The following GPC5 variants were observed in gnomAD, a reference collection of about 807,000 sequenced individuals.
GPC5 encodes glypican 5.
A neutral mutation model predicts 53.9 loss-of-function variants in GPC5; 47 were observed. The observed-to-expected ratio is 0.87, with a 90% confidence interval of 0.69 to 1.11. The LOEUF (loss-of-function observed/expected upper bound fraction) is 1.11. Ranked by LOEUF, GPC5 falls within the 50% of genes most tolerant of loss-of-function variation. The probability of loss-of-function intolerance (pLI) is 0.00; values close to 1 mark genes in which losing one functional copy is unlikely to be tolerated. For missense variants in GPC5, 748 were observed against 713.1 expected (o/e 1.05, Z -0.56); for synonymous variants, 286 against 263.3 (o/e 1.09, Z -0.84).
At chr13:91,869,378 A>G (rs1429863544) in intron 5 of GPC5, among the ~76,000 whole-genome samples, 1 of 152,170 alleles carries the variant, frequency 6.6e-6, no homozygotes, top group Non-Finnish European at 1.5e-5. Flanking sequence ...TGACTCCTCT[A>G]TAGAGATTAT....
intron 2 of GPC5, among the ~76,000 whole-genome samples, chr13:91,535,949 A>G (rs1485119760): frequency 1.3e-5 from 2 of 152,154 alleles, no homozygotes; most frequent in Non-Finnish European, 2.9e-5. Context: ...AGCTAATGCT[A>G]TTTTCTTGAA....
At chr13:92,493,780 C>A (rs1383889177) in intron 7 of GPC5, among the ~76,000 whole-genome samples, 1 of 152,158 alleles carries the variant, frequency 6.6e-6, no homozygotes, top group Admixed American at 6.5e-5. Context: ...GTAGCGCTAG[C>A]AATTCGACAA....
At chr13:92,345,348 G>A (rs2043402021) in intron 7 of GPC5, among the ~76,000 whole-genome samples, 1 of 152,068 alleles carries the variant, frequency 6.6e-6, no homozygotes, top group Non-Finnish European at 1.5e-5. Context: ...ACTTTCTAAT[G>A]TATGAAAGAG....
intron 2 of GPC5, among the ~76,000 whole-genome samples, chr13:91,659,755 C>T (rs1238285212): frequency 2.0e-5 from 3 of 152,174 alleles, no homozygotes; most frequent in Non-Finnish European, 2.9e-5. Context: ...CCCCCACCGC[C>T]TCCACCATGA....
chr13:92,017,322 A>G (rs2040716172), intron 6 of GPC5, among the ~76,000 whole-genome samples: 1 of 152,068 alleles, frequency 6.6e-6, no homozygotes, highest in African/African-American at 2.4e-5. Flanking sequence ...TCTGGTTCTT[A>G]GGTAGAGAGA....
intron 2 of GPC5, among the ~76,000 whole-genome samples, chr13:91,449,749 A>G (rs944108416): frequency 1.3e-5 from 2 of 152,314 alleles, no homozygotes; most frequent in South Asian, 2.1e-4. Flanking sequence ...TTATAAAATT[A>G]CAAGGCACAC....
At chr13:92,390,570 CT>C (rs1336725697) in intron 7 of GPC5, among the ~76,000 whole-genome samples, 1 of 152,056 alleles carries the variant, frequency 6.6e-6, no homozygotes, top group African/African-American at 2.4e-5. Flanking sequence ...CTTTTTACCC[CT>C]CTGCACTGGG....
intron 7 of GPC5, among the ~76,000 whole-genome samples, chr13:92,862,292 T>C (rs1879205664): frequency 6.6e-6 from 1 of 152,216 alleles, no homozygotes. Context: ...TGAGTCATTA[T>C]TCAATTTATT....
intron 7 of GPC5, among the ~76,000 whole-genome samples, chr13:92,181,327 T>A (rs2042145467): frequency 6.6e-6 from 1 of 152,188 alleles, no homozygotes; most frequent in Admixed American, 6.5e-5. Context: ...CAAGGTACTA[T>A]CACTTTTAAT....
rs562629144 is a variant in GPC5 at position 92,539,120 on chromosome 13, T to C, written c.1562-327162T>C. 3.3e-5 allele frequency among the ~76,000 whole-genome samples: 5 copies of C among 149,932 alleles called. No individual in the cohort carries two copies. The South Asian group carries it at 8.5e-4, about 25-fold the overall frequency. On this transcript the variant is annotated intron_variant, in intron 7 of 7. Coordinates refer to ENST00000377067, the MANE Select transcript of GPC5 (RefSeq NM_004466.6). ...AATGATTTATAATCCTTTGGGTATATAGTAGAATGATTTATAATACTTTGG... is the reference window on the plus strand; with the variant it reads ...AATGATTTATAATCCTTTGGGTATACAGTAGAATGATTTATAATACTTTGG...
At position 91,792,198 on chromosome 13, in the gene GPC5, C is replaced by T. The variant is rs576357854; in HGVS notation, c.1280+35778C>T. Among the ~76,000 whole-genome samples the T allele has an allele frequency of 1.2e-4, 18 of 152,312 alleles. No homozygotes were observed. The South Asian group carries it at 2.3e-3, about 19-fold the overall frequency. On this transcript the variant is annotated intron_variant, in intron 5 of 7. Coordinates refer to ENST00000377067, the MANE Select transcript of GPC5 (RefSeq NM_004466.6). ...GGTGTCCCTGTGAAACTCTTGGTTA[C>T]AGAAACAGTCTTTCCTGACTTCACT...
At chr13:92,829,852 A>G (rs1273300716) in intron 7 of GPC5, among the ~76,000 whole-genome samples, 1 of 152,188 alleles carries the variant, frequency 6.6e-6, no homozygotes, top group Non-Finnish European at 1.5e-5. Flanking sequence ...TGCCAAAAGT[A>G]GATAGAGAAA....
intron 5 of GPC5, among the ~76,000 whole-genome samples, chr13:91,903,011 C>G (rs2039514583): frequency 6.9e-6 from 1 of 145,678 alleles, no homozygotes; most frequent in Non-Finnish European, 1.5e-5. Flanking sequence ...ACACCCAAAT[C>G]TTAACTGTAC....
intron 6 of GPC5, among the ~76,000 whole-genome samples, chr13:91,997,617 C>T (rs796518410): frequency 8.5e-5 from 13 of 152,292 alleles, no homozygotes; most frequent in African/African-American, 2.9e-4. Context: ...CTCCCAGGTT[C>T]CAGCGATTCT....
At chr13:91,809,352 C>T (rs1252426606) in intron 5 of GPC5, among the ~76,000 whole-genome samples, 2 of 152,134 alleles carry the variant, frequency 1.3e-5, no homozygotes, top group Non-Finnish European at 2.9e-5. Context: ...AGAGAACTAT[C>T]CTGTAACTGA....
At chr13:92,574,979 C>T (rs1883147295) in intron 7 of GPC5, among the ~76,000 whole-genome samples, 1 of 152,104 alleles carries the variant, frequency 6.6e-6, no homozygotes, top group African/African-American at 2.4e-5. Context: ...AATGATTTCC[C>T]TGATTTCTGT....
At chr13:91,742,000 G>T (rs899608014) in intron 4 of GPC5, among the ~76,000 whole-genome samples, 2 of 151,912 alleles carry the variant, frequency 1.3e-5, no homozygotes, top group Non-Finnish European at 2.9e-5. Flanking sequence ...TGTTTTCAAT[G>T]AAAAAAAATC....
chr13:92,239,273 C>G (rs570635269), intron 7 of GPC5, among the ~76,000 whole-genome samples: 1 of 151,596 alleles, frequency 6.6e-6, no homozygotes, highest in South Asian at 2.1e-4. Flanking sequence ...AGGATTTTTA[C>G]TGAATCTGTC....
At chr13:91,793,797 C>T (rs1282257928) in intron 5 of GPC5, among the ~76,000 whole-genome samples, 11 of 152,022 alleles carry the variant, frequency 7.2e-5, no homozygotes, top group Admixed American at 3.9e-4. Flanking sequence ...AGGGGAAATG[C>T]CAGATGCTTA....
Sources: gnomAD v4.1 joint callset for allele counts (sites outside exome capture counted in the v4.1 genomes callset) on GRCh38, gnomAD v4.1.1 for gene constraint, MANE v1.5 for transcripts, NCBI Gene and HGNC (gene_info 2026-07-23, HGNC 2026-07-21) for gene names.